Variants in RYR3 observed in about 807,000 individuals in gnomAD.
The protein encoded by RYR3 is ryanodine receptor 3.
A neutral mutation model predicts 584.3 loss-of-function variants in RYR3; 207 were observed. The ratio of observed to expected loss-of-function variants is 0.35; its 90% CI spans 0.32 to 0.40. The LOEUF is 0.40. Among genes scored for constraint, RYR3 ranks in the 10% least tolerant of loss-of-function variants. The probability of loss-of-function intolerance (pLI) is 1.00; values close to 1 mark genes in which losing one functional copy is unlikely to be tolerated. For missense variants in RYR3, 5,616 were observed against 6,089.2 expected (o/e 0.92, Z 2.59); for synonymous variants, 2,416 against 2,248.5 (o/e 1.07, Z -2.11).
At chr15:33,792,717 G>A (rs573569675) in intron 67 of RYR3, among the ~76,000 whole-genome samples, 1 of 152,234 alleles carries the variant, frequency 6.6e-6, no homozygotes, top group African/African-American at 2.4e-5. Flanking sequence ...TTGTGGGAAT[G>A]TAAGTCTATA....
chr15:33,626,775 G>A (rs894280314), intron 20 of RYR3, among the ~76,000 whole-genome samples: 1 of 152,182 alleles, frequency 6.6e-6, no homozygotes, highest in African/African-American at 2.4e-5. Flanking sequence ...GAGGGTGCAA[G>A]CCCCAGGCCT....
intron 30 of RYR3, 23 bp from the exon 31 acceptor site, chr15:33,649,049 T>A (rs748782390): frequency 9.5e-6 from 15 of 1,586,888 alleles, no homozygotes; most frequent in African/African-American, 8.0e-5. Flanking sequence ...GGCCATTGAC[T>A]CCCCTCTGCG....
chr15:33,361,610 T>C lies in RYR3; in HGVS notation c.51+50514T>C, dbSNP rs550350872. Among the ~76,000 whole-genome samples, 6 of 152,210 alleles carry C rather than the reference T, an allele frequency of 3.9e-5. No individual in the cohort carries two copies. In the East Asian group the frequency reaches 1.2e-3, roughly 29 times the overall value. On this transcript the variant is annotated intron_variant, in intron 1 of 103. Coordinates refer to ENST00000634891, the MANE Select transcript of RYR3 (RefSeq NM_001036.6). ...CTCAGGCAGCATCACGAGTGTAAAATAGGGGCTAAATAAGCAGCAGAAAGG... is the reference window on the plus strand; with the variant it reads ...CTCAGGCAGCATCACGAGTGTAAAACAGGGGCTAAATAAGCAGCAGAAAGG...
At chr15:33,690,997 T>G (rs2065386105) in intron 38 of RYR3, among the ~76,000 whole-genome samples, 1 of 152,194 alleles carries the variant, frequency 6.6e-6, no homozygotes, top group South Asian at 2.1e-4. Flanking sequence ...GATTCTTATA[T>G]CTGGTTAAAG....
At position 33,425,850 on chromosome 15, in the gene RYR3, G is replaced by C. The variant is rs189372905; in HGVS notation, c.52-47569G>C. On this transcript the variant is annotated intron_variant, in intron 1 of 103. Coordinates refer to ENST00000634891, the MANE Select transcript of RYR3 (RefSeq NM_001036.6). ...GTAGAGACGGGGTTTCACCGTGTTA[G>C]CCAGGATGGTCTCAATCTCCTGACC... Among the ~76,000 whole-genome samples the C allele has an allele frequency of 2.6e-5, 4 of 152,100 alleles. 1 individual carries two copies. The highest frequency in any genetic ancestry group is 1.3e-4 in the Admixed American group (2 of 15,292).
intron 11 of RYR3, among the ~76,000 whole-genome samples, chr15:33,564,777 C>T (rs115901970): frequency 2.0e-5 from 3 of 152,190 alleles, no homozygotes; most frequent in Non-Finnish European, 4.4e-5. Flanking sequence ...GACCATAGCC[C>T]GCAGATTCAT....
At chr15:33,394,708 G>T (rs1182907671) in intron 1 of RYR3, among the ~76,000 whole-genome samples, 1 of 152,182 alleles carries the variant, frequency 6.6e-6, no homozygotes, top group Non-Finnish European at 1.5e-5. Flanking sequence ...GTATAGAAGA[G>T]CTCATCTCTT....
chr15:33,599,065 A>AC (rs397950990), intron 16 of RYR3, among the ~76,000 whole-genome samples: 1 of 151,654 alleles, frequency 6.6e-6, no homozygotes, highest in Non-Finnish European at 1.5e-5. Flanking sequence ...CAAAAAAAAA[A>AC]GGAGTTGTAC....
rs954482061 is a variant in RYR3, at chr15:33,616,411, G to C, written c.2357+3036G>C. ...TTTTGGAATCCTCTTGACAAGAACC[G>C]CAGTTAGCAGGTGAAAAAATAGTTG... On this transcript the variant is annotated intron_variant, in intron 19 of 103. Coordinates refer to ENST00000634891, the MANE Select transcript of RYR3 (RefSeq NM_001036.6). Among the ~76,000 whole-genome samples the C allele has an allele frequency of 2.0e-5, 3 of 152,142 alleles. No homozygotes were observed. The South Asian group carries it at 6.2e-4, about 31-fold the overall frequency.
In RYR3 at chr15:33,522,090, CT is replaced by C. The variant is rs1216883035; in HGVS notation, c.280-8500del. Among the ~76,000 whole-genome samples, 29 of 84,338 alleles carry C rather than the reference CT, an allele frequency of 3.4e-4. No homozygotes were observed. The East Asian group carries it at 8.5e-3, about 25-fold the overall frequency. The allele number at this position is 84,338 out of a possible 152,430, so 55.3% of individuals were successfully genotyped here. A position where few individuals can be genotyped will look rare whatever the true frequency, so the allele number is the denominator to read the frequency against. On this transcript the variant is annotated intron_variant, in intron 3 of 103. Coordinates refer to ENST00000634891, the MANE Select transcript of RYR3 (RefSeq NM_001036.6). ...CCAATATGGCAAAACCCCATCTCTA[CT>C]TAAAAAAAAAAAAAAAAAAAAACTA...
intron 1 of RYR3, among the ~76,000 whole-genome samples, chr15:33,339,781 C>A (rs914859763): frequency 1.3e-5 from 2 of 149,356 alleles, no homozygotes; most frequent in African/African-American, 5.0e-5. Context: ...CCCAGCTACT[C>A]GGGAGGCTGA....
chr15:33,726,512 G>T lies in RYR3; in HGVS notation c.7033+6G>T. ...ACTGCCCTCCCTCAACAAAGGTAAG[G>T]GGAGTGACTGCAGGCTGCAGCAGCA... On this transcript the variant is annotated splice_donor_region_variant and intron_variant, in intron 46 of 103. Transcript: ENST00000634891. The T allele has an allele frequency of 6.3e-7, 1 of 1,583,372 alleles. No homozygotes were observed. Among genetic ancestry groups the T allele is most frequent in the East Asian group, 2.3e-5 (1 of 43,254 alleles).
intron 75 of RYR3, among the ~76,000 whole-genome samples, chr15:33,817,483 GTTCAGAGAGAAAATAAACCC>G (rs2076876698): frequency 6.6e-6 from 1 of 152,148 alleles, no homozygotes; most frequent in African/African-American, 2.4e-5. Context: ...CCTCATTCTG[GTTCAGAGAGAAAATAAACCC>G]TCCTTCTCTT....
chr15:33,722,297 C>T (rs2067992449), intron 43 of RYR3, among the ~76,000 whole-genome samples: 1 of 152,184 alleles, frequency 6.6e-6, no homozygotes, highest in Non-Finnish European at 1.5e-5. Flanking sequence ...ATGGTAGACT[C>T]AGTAGTTTAT....
At chr15:33,524,772 T>G (rs546778015) in intron 3 of RYR3, among the ~76,000 whole-genome samples, 4 of 152,346 alleles carry the variant, frequency 2.6e-5, no homozygotes, top group African/African-American at 9.6e-5. Flanking sequence ...ATAGAATCTC[T>G]TCCATATGTT....
chr15:33,774,362 GA>G (rs1307516375), intron 64 of RYR3, among the ~76,000 whole-genome samples: 1 of 150,854 alleles, frequency 6.6e-6, no homozygotes, highest in African/African-American at 2.5e-5. Flanking sequence ...AAGCAAACTG[GA>G]AAGAATTCGG....
intron 64 of RYR3, among the ~76,000 whole-genome samples, chr15:33,775,611 G>A (rs983366721): frequency 6.6e-6 from 1 of 152,154 alleles, no homozygotes; most frequent in African/African-American, 2.4e-5. Context: ...TCCCTACTTA[G>A]AGAACTCAAG....
At chr15:33,726,027 C>T (rs529946854) in intron 45 of RYR3, among the ~76,000 whole-genome samples, 7 of 147,524 alleles carry the variant, frequency 4.7e-5, no homozygotes, top group East Asian at 2.0e-4. Context: ...ATTGTGGCCA[C>T]GCTGTCAACA....
At chr15:33,829,858 G>C (rs2152969577) in intron 85 of RYR3, among the ~76,000 whole-genome samples, 1 of 152,306 alleles carries the variant, frequency 6.6e-6, no homozygotes, top group Non-Finnish European at 1.5e-5. Context: ...GGAGGGGTTT[G>C]AGACTTCAGT....
Sources: allele counts gnomAD v4.1 joint callset (sites outside exome capture counted in the v4.1 genomes callset), GRCh38; gene constraint gnomAD v4.1.1; transcripts MANE v1.5; gene names NCBI Gene and HGNC (gene_info 2026-07-23, HGNC 2026-07-21).